Variants in PCSK7 observed in about 807,000 individuals in gnomAD.
PCSK7 encodes lymphoma proprotein convertase.
A neutral mutation model predicts 73.3 loss-of-function variants in PCSK7; 38 were observed. That is an observed-to-expected ratio of 0.52 (90% confidence interval 0.40 to 0.68). PCSK7 has a LOEUF of 0.68. Ranked by LOEUF, PCSK7 falls within the 30% of genes least tolerant of loss-of-function variation. The pLI is 0.00. For synonymous variants in PCSK7, 296 were observed against 383.8 expected, an observed-to-expected ratio of 0.77 and a Z score of 2.68; for missense variants, 692 against 991.5, an observed-to-expected ratio of 0.70 and a Z score of 4.06.
chr11:117,210,024 T>C (rs2031649335), intron 12 of PCSK7: 1 of 152,376 alleles, frequency 6.6e-6, no homozygotes, highest in Admixed American at 6.5e-5. Context: ...GGAATTGTTC[T>C]GGATCTTGGT....
intron 10 of PCSK7, 121 bp from the exon 11 acceptor site, chr11:117,219,285 T>G: frequency 1.4e-6 from 1 of 731,772 alleles, no homozygotes; most frequent in Admixed American, 2.5e-5. Flanking sequence ...CTATGGCTAC[T>G]GGGAATGGAT....
chr11:117,225,535 C>T lies in PCSK7; in HGVS notation c.860+396G>A, dbSNP rs184304637. ...AGGTGCCATCAATGCCATGTGGGCC[C>T]CCAACCCCATTTCCTTCTTGTCCAG... On this transcript the variant is annotated intron_variant, in intron 6 of 16. Transcript: ENST00000320934. 550 of 212,952 alleles carry T rather than the reference C, an allele frequency of 2.6e-3. 3 individuals carry two copies. The highest frequency in any genetic ancestry group is 0.022 in the Middle Eastern group (12 of 548). The allele number at this position is 212,952 out of a possible 1,614,324, so 13.2% of individuals were successfully genotyped here.
intron 12 of PCSK7, chr11:117,211,911 G>A (rs897649221): frequency 1.3e-5 from 2 of 152,176 alleles, no homozygotes; most frequent in Non-Finnish European, 2.9e-5. Flanking sequence ...TTGAGACGAG[G>A]ATTAAACAGT....
rs372209349 is a variant in PCSK7, at chr11:117,218,299, CAGA to C, written c.1534+164_1534+166del. On this transcript the variant is annotated intron_variant, in intron 12 of 16. Coordinates refer to ENST00000320934, the MANE Select transcript of PCSK7 (RefSeq NM_004716.4). The surrounding 1 kb of genome is among the most constrained non-coding windows in gnomAD (Gnocchi z 4.0). The stretch of plus-strand genomic sequence containing the variant: ...GTTTAAGCAGCTGGGGGAGCCAACT[CAGA>C]AGCAGTAACATGTCCTAAAATGGTC... The C allele has an allele frequency of 1.2e-4, 47 of 381,524 alleles. No homozygotes were observed. The highest frequency in any genetic ancestry group is 8.8e-4 in the African/African-American group (42 of 47,646). 23.6% of individuals were successfully genotyped at this position (381,524 alleles called of 1,614,324 possible). A position where few individuals can be genotyped will look rare whatever the true frequency, so the allele number is the denominator to read the frequency against.
Position 117,228,368 on chromosome 11 carries a change from T to C in PCSK7, c.469-18A>G. On this transcript the variant is annotated intron_variant, in intron 3 of 16. Coordinates refer to ENST00000320934, the MANE Select transcript of PCSK7 (RefSeq NM_004716.4). ...CGGTTATTCTGTAAGAGAGACAGGA[T>C]GGGAATACAGTGACACATAGCACAG... 1 of 1,612,738 alleles carries C rather than the reference T, an allele frequency of 6.2e-7. No individual in the cohort carries two copies. The highest frequency in any genetic ancestry group is 8.5e-7 in the Non-Finnish European group (1 of 1,178,780).
chr11:117,229,896 C>A, intron 2 of PCSK7, 40 bp from the exon 3 acceptor site: 1 of 1,216,176 alleles, frequency 8.2e-7, no homozygotes, highest in Non-Finnish European at 1.1e-6. Flanking sequence ...GATCAAAGAG[C>A]TGGTAACTGC....
At chr11:117,213,547 G>A (rs1252373889) in intron 12 of PCSK7, 1 of 152,214 alleles carries the variant, frequency 6.6e-6, no homozygotes, top group East Asian at 1.9e-4. Context: ...ACAGAAAGAT[G>A]ATGGAAAATA....
rs201300694 is a variant in PCSK7 at position 117,229,623 on chromosome 11, C to T, written c.222G>A (p.Ala74=). Residue 74 remains alanine, a synonymous_variant, in exon 3 of 17, where the codon GCG becomes GCA. Transcript: ENST00000320934. ...DGEEETLEQQ[A]DALAQAAGLV... ...GCCCTGCTGCCTGGGCCAAGGCATCCGCCTGCTGCTCCAGAGTCTCTTCCT... is the reference window on the plus strand; with the variant it reads ...GCCCTGCTGCCTGGGCCAAGGCATCTGCCTGCTGCTCCAGAGTCTCTTCCT... 273 of 1,614,076 alleles carry T rather than the reference C, an allele frequency of 1.7e-4. No homozygotes were observed. The highest frequency in any genetic ancestry group is 2.0e-4 in the Non-Finnish European group (232 of 1,179,936).
At chr11:117,213,571 T>TA (rs1231142270) in intron 12 of PCSK7, 1 of 152,240 alleles carries the variant, frequency 6.6e-6, no homozygotes, top group African/African-American at 2.4e-5. Flanking sequence ...ATGGCATAGT[T>TA]AGAGGACAGC....
chr11:117,215,532 C>T (rs2031947750), intron 12 of PCSK7: 1 of 150,748 alleles, frequency 6.6e-6, no homozygotes, highest in Non-Finnish European at 1.5e-5. Flanking sequence ...TCCCGAGTAG[C>T]TGGGACTACA....
At position 117,218,455 on chromosome 11, in the gene PCSK7, T is replaced by C; in HGVS notation, c.1534+11A>G. On this transcript the variant is annotated intron_variant, in intron 12 of 16. Transcript: ENST00000320934. This position sits in a 1 kb window ranked among gnomAD's most constrained non-coding sequence, Gnocchi z 4.0. ...GGCCTAAGATTAACCCCCTTTGTGC[T>C]GATTACTTACCATTCCACAGGACCT... is the stretch of plus-strand genomic sequence containing the variant. 2.6e-6 allele frequency: 4 copies of C among 1,523,728 alleles called. No homozygotes were observed. The highest frequency in any genetic ancestry group is 3.6e-6 in the Non-Finnish European group (4 of 1,113,774). The allele number at this position is 1,523,728 out of a possible 1,614,324, so 94.4% of individuals were successfully genotyped here.
Position 117,229,603 on chromosome 11 carries a change from G to C in PCSK7, c.242C>G (p.Ala81Gly). 1 of 1,614,080 alleles carries C rather than the reference G, an allele frequency of 6.2e-7. No individual in the cohort carries two copies. Among genetic ancestry groups the C allele is most frequent in the Non-Finnish European group, 8.5e-7 (1 of 1,180,008 alleles). The stretch of plus-strand genomic sequence containing the variant: ...GATGCGTCCAGCATTCACCAGCCCT[G>C]CTGCCTGGGCCAAGGCATCCGCCTG... ...EQQADALAQA[A>G]GLVNAGRIGE... Residue 81 changes from alanine to glycine, a missense_variant, in exon 3 of 17, where the codon GCA (alanine) becomes GGA (glycine). Ala to Gly is a moderately conservative substitution (Grantham distance 60). This residue lies in a region of PCSK7 where 574 missense variants were observed against 689.8 expected (regional missense o/e 0.83). Coordinates refer to ENST00000320934, the MANE Select transcript of PCSK7 (RefSeq NM_004716.4).
chr11:117,221,449 G>A (rs1198376426), intron 9 of PCSK7: 1 of 152,276 alleles, frequency 6.6e-6, no homozygotes, highest in East Asian at 1.9e-4. Flanking sequence ...GCATTGAAAA[G>A]TCCAGAGAAG....
At chr11:117,227,481 T>C (rs1217463454) in intron 4 of PCSK7, among the ~76,000 whole-genome samples, 159 bp from the exon 5 acceptor site, 1 of 152,186 alleles carries the variant, frequency 6.6e-6, no homozygotes, top group Non-Finnish European at 1.5e-5. Context: ...CTCACTCTGT[T>C]GCCCAGGCTG....
chr11:117,215,333 C>T (rs1035437700), intron 12 of PCSK7: 19 of 139,684 alleles, frequency 1.4e-4, no homozygotes, highest in Admixed American at 4.4e-4. Context: ...ATAGCTGGGA[C>T]TACAGGCACG....
chr11:117,228,073 G>A (rs2032499323), intron 4 of PCSK7, 143 bp downstream of exon 4: 8 of 727,606 alleles, frequency 1.1e-5, no homozygotes, highest in Non-Finnish European at 1.4e-5. Flanking sequence ...GCTAGCTAGG[G>A]AAAAGAAGAG....
chr11:117,228,121 G>A (rs1442199498), intron 4 of PCSK7, 95 bp downstream of exon 4: 3 of 1,241,306 alleles, frequency 2.4e-6, no homozygotes, highest in East Asian at 4.9e-5. Context: ...CTTTTATTTG[G>A]CCCAAAGACC....
At chr11:117,223,435 C>T (rs922299188) in intron 8 of PCSK7, 127 bp from the exon 9 acceptor site, 9 of 662,628 alleles carry the variant, frequency 1.4e-5, no homozygotes, top group Admixed American at 2.1e-5. Flanking sequence ...ATGATCTGAG[C>T]GGCCCACGTC....
At chr11:117,227,404 G>A in intron 4 of PCSK7, 82 bp from the exon 5 acceptor site, 1 of 1,040,630 alleles carries the variant, frequency 9.6e-7, no homozygotes, top group Non-Finnish European at 1.5e-6. Flanking sequence ...GAAAGGAAAT[G>A]GGAGTTTGGG....
Sources: allele counts gnomAD v4.1 joint callset (sites outside exome capture counted in the v4.1 genomes callset), GRCh38; gene constraint gnomAD v4.1.1; regional missense constraint gnomAD v4.1.1; non-coding constraint Gnocchi (gnomAD v3.1); transcripts MANE v1.5; gene names NCBI Gene and HGNC (gene_info 2026-07-23, HGNC 2026-07-21).